Variants in TRMT11 observed in about 807,000 individuals in gnomAD.
TRMT11 encodes the protein tRNA (guanine(10)-N(2))-methyltransferase TRMT11.
Under a neutral mutation model 62.8 loss-of-function variants are expected in TRMT11, and 53 were observed. That is an observed-to-expected ratio of 0.84 (90% CI 0.68 to 1.06). The LOEUF (loss-of-function observed/expected upper bound fraction) is 1.06. TRMT11 is among the 50% of genes least tolerant of loss of function. TRMT11 has a pLI of 0.00. For synonymous variants in TRMT11, 188 were observed against 190.3 expected (o/e 0.99, Z 0.10); for missense variants, 556 against 553.4 (o/e 1.00, Z -0.05).
chr6:126,141,856 A>AG (rs2128215486), intron 21 of TRMT11, among the ~76,000 whole-genome samples: 1 of 152,192 alleles, frequency 6.6e-6, no homozygotes, highest in African/African-American at 2.4e-5. Context: ...TTTTGCATTA[A>AG]GACTTCACTA....
intron 8 of TRMT11, among the ~76,000 whole-genome samples, chr6:126,010,491 A>G (rs1343893003): frequency 1.3e-5 from 2 of 152,026 alleles, no homozygotes; most frequent in Non-Finnish European, 2.9e-5. Flanking sequence ...ACTGCCTCCT[A>G]AGTGAACAAA....
At chr6:126,120,379 T>C (rs907615328) in intron 21 of TRMT11, among the ~76,000 whole-genome samples, 5 of 152,168 alleles carry the variant, frequency 3.3e-5, no homozygotes, top group African/African-American at 1.2e-4. Context: ...GCTATTTTTA[T>C]TTATTCCTTT....
At chr6:126,063,627 G>A (rs1776601764) in intron 17 of TRMT11, among the ~76,000 whole-genome samples, 1 of 152,216 alleles carries the variant, frequency 6.6e-6, no homozygotes, top group African/African-American at 2.4e-5. Context: ...AATTACAGAT[G>A]GGTCTGAGGT....
In TRMT11 at chr6:125,990,059, C is replaced by T. The variant is rs1212710265; in HGVS notation, c.72+3437C>T. ...AGTTCCCTTTCTGTAGTTTTTCCTC[C>T]TCTGCCAAAATTCTTATTTTTTTCT... On this transcript the variant is annotated intron_variant, in intron 1 of 12. Coordinates refer to ENST00000334379, the MANE Select transcript of TRMT11 (RefSeq NM_001031712.3). Among the ~76,000 whole-genome samples the T allele has an allele frequency of 2.0e-5, 3 of 152,194 alleles. No individual in the cohort carries two copies. The East Asian group carries it at 5.8e-4, about 29-fold the overall frequency.
At chr6:126,168,614 G>T (rs995500950) in intron 21 of TRMT11, among the ~76,000 whole-genome samples, 1 of 152,194 alleles carries the variant, frequency 6.6e-6, no homozygotes, top group Non-Finnish European at 1.5e-5. Context: ...TGCCTCCTGG[G>T]TTCAAGCGAT....
chr6:126,013,074 TC>T lies in TRMT11; in HGVS notation c.1113del (p.Tyr372IlefsTer39). 6.2e-7 allele frequency: 1 copy of T among 1,613,886 alleles called. No individual in the cohort carries two copies. The highest frequency in any genetic ancestry group is 1.1e-5 in the South Asian group (1 of 91,070). On this transcript the variant is annotated frameshift_variant, in exon 11 of 13. Transcript: ENST00000334379. LOFTEE classifies it high-confidence loss of function. ...AETLVLGGRL[V>X]YWLPVYTPEY... is the part of the protein sequence containing the mutation. ...ACCCTCGTTTTAGGTGGAAGACTAG[TC>T]TATTGGTTACCGGTGTATACGCCAG...
intron 16 of TRMT11, among the ~76,000 whole-genome samples, chr6:126,051,845 C>T (rs902399416): frequency 3.3e-5 from 5 of 152,002 alleles, no homozygotes; most frequent in African/African-American, 9.7e-5. Flanking sequence ...TTTGAGTATC[C>T]AAGAGCAAAG....
chr6:126,106,623 A>C (rs1278948707), intron 17 of TRMT11, among the ~76,000 whole-genome samples: 7 of 152,274 alleles, frequency 4.6e-5, no homozygotes, highest in Middle Eastern at 3.4e-3. Flanking sequence ...CTATAACATA[A>C]GCTCTGTGAC....
chr6:126,123,196 C>T (rs546035143), intron 21 of TRMT11, among the ~76,000 whole-genome samples: 34 of 152,200 alleles, frequency 2.2e-4, no homozygotes, highest in Non-Finnish European at 4.4e-4. Context: ...CAAAAGCTAG[C>T]AATTCCCAAT....
At chr6:125,997,514 G>A (rs75587708) in intron 3 of TRMT11, among the ~76,000 whole-genome samples, 9 of 152,256 alleles carry the variant, frequency 5.9e-5, no homozygotes, top group Admixed American at 3.3e-4. Flanking sequence ...CCATACGTGC[G>A]CACGCACATG....
the TRMT11 span, among the ~76,000 whole-genome samples, chr6:126,226,622 CA>C: frequency 6.6e-6 from 1 of 151,858 alleles, no homozygotes; most frequent in African/African-American, 2.4e-5. Context: ...CTTTTTGGGA[CA>C]AAACTCTGAA....
At chr6:126,258,418 G>A in the TRMT11 span, 2 of 330,154 alleles carry the variant, frequency 6.1e-6, no homozygotes, top group Non-Finnish European at 1.2e-5. Flanking sequence ...CTGGTGGCTG[G>A]CCCGGGTTAG....
rs1313520779 is a variant in TRMT11, at chr6:126,093,585, G to GTGTATA, written c.*1438-19280_*1438-19279insGTATAT. Reference sequence around the variant, plus strand: ...CTAGTGTAGGTAACAGGATATGTATGTATATATATATATATATATATATAT... The same window carrying GTGTATA: ...CTAGTGTAGGTAACAGGATATGTATGTGTATATATATATATATATATATATATATAT... On this transcript the variant is annotated intron_variant and NMD_transcript_variant, in intron 17 of 22. Coordinates refer to the TRMT11 transcript ENST00000648977. 3.9e-4 allele frequency among the ~76,000 whole-genome samples: 18 copies of GTGTATA among 46,688 alleles called. 1 individual carries two copies. In the East Asian group the frequency reaches 4.3e-3, roughly 11 times the overall value. The allele number at this position is 46,688 out of a possible 152,430, so 30.6% of individuals were successfully genotyped here. A position where few individuals can be genotyped will look rare whatever the true frequency, so the allele number is the denominator to read the frequency against.
the TRMT11 span, among the ~76,000 whole-genome samples, chr6:126,210,278 G>A: frequency 6.6e-6 from 1 of 152,280 alleles, no homozygotes; most frequent in South Asian, 2.1e-4. Flanking sequence ...GAAGTAAATC[G>A]CTATGTTCTA....
the TRMT11 span, among the ~76,000 whole-genome samples, chr6:126,215,513 T>C: frequency 2.0e-5 from 3 of 152,068 alleles, no homozygotes; most frequent in African/African-American, 4.8e-5. Context: ...TGACTCATAA[T>C]CTTTTTTGTT....
chr6:126,073,188 G>T (rs185354300), intron 17 of TRMT11, among the ~76,000 whole-genome samples: 1 of 152,200 alleles, frequency 6.6e-6, no homozygotes, highest in African/African-American at 2.4e-5. Flanking sequence ...AATGCAATTG[G>T]AAATGCAGCT....
chr6:126,101,837 G>C lies in TRMT11; in HGVS notation c.*1438-11029G>C, dbSNP rs1204506752. On this transcript the variant is annotated intron_variant and NMD_transcript_variant, in intron 17 of 22. Coordinates refer to the TRMT11 transcript ENST00000648977. ...TCCATACCTTTCAACATTCAAGCCA[G>C]ATGCCAATTGTCTGTGTGAAAACAC... 2.0e-5 allele frequency among the ~76,000 whole-genome samples: 3 copies of C among 152,274 alleles called. No homozygotes were observed. In the East Asian group the frequency reaches 5.8e-4, roughly 29 times the overall value.
chr6:126,101,395 T>C (rs1777398775), intron 17 of TRMT11, among the ~76,000 whole-genome samples: 1 of 152,272 alleles, frequency 6.6e-6, no homozygotes, highest in Non-Finnish European at 1.5e-5. Flanking sequence ...AGACTATATA[T>C]GTTACTTCAT....
At chr6:126,202,184 A>C (rs2128253305) in exon 4 of TRMT11, 1 of 150,120 alleles carries the variant, frequency 6.7e-6, no homozygotes, top group Middle Eastern at 3.4e-3. Flanking sequence ...GTGCTCAATA[A>C]AGGTCTGTTT....
Sources: allele counts gnomAD v4.1 joint callset (sites outside exome capture counted in the v4.1 genomes callset), GRCh38; gene constraint gnomAD v4.1.1; transcripts MANE v1.5; gene names NCBI Gene and HGNC (gene_info 2026-07-23, HGNC 2026-07-21).